The following COBL variants were observed in gnomAD, a reference collection of about 807,000 sequenced individuals.
COBL encodes the protein protein cordon-bleu.
Under a neutral mutation model 98.8 loss-of-function variants are expected in COBL, and 51 were observed. That is an observed-to-expected ratio of 0.52 (90% CI 0.41 to 0.65). COBL has a LOEUF of 0.65. Among genes scored for constraint, COBL ranks in the 30% least tolerant of loss-of-function variants. The probability of loss-of-function intolerance (pLI) is 0.00; values close to 1 mark genes in which losing one functional copy is unlikely to be tolerated. For missense variants in COBL, 1,617 were observed against 1,617.5 expected (o/e 1.00, Z 0.01); for synonymous variants, 634 against 651.7 (o/e 0.97, Z 0.41).
chr7:51,170,534 T>TATATAA (rs1554413515), intron 5 of COBL, among the ~76,000 whole-genome samples: 4 of 134,502 alleles, frequency 3.0e-5, no homozygotes, highest in African/African-American at 1.1e-4. Context: ...TATATATAAA[T>TATATAA]ATATATCACA....
intron 1 of COBL, among the ~76,000 whole-genome samples, chr7:51,284,970 CAG>C (rs1387787374): frequency 7.0e-6 from 1 of 142,146 alleles, no homozygotes; most frequent in East Asian, 2.1e-4. Flanking sequence ...TTTTTTGAGA[CAG>C]AGTCTTGGTC....
chr7:51,165,386 G>A (rs1250256542), intron 5 of COBL, among the ~76,000 whole-genome samples: 1 of 152,052 alleles, frequency 6.6e-6, no homozygotes, highest in East Asian at 1.9e-4. Context: ...ATTATGTAAT[G>A]ATAAAGGGGT....
At chr7:51,247,055 C>T (rs1056967201) in intron 1 of COBL, among the ~76,000 whole-genome samples, 4 of 152,332 alleles carry the variant, frequency 2.6e-5, no homozygotes, top group African/African-American at 7.2e-5. Context: ...ACAAAACCAG[C>T]GGATACCTGT....
At chr7:51,309,278 T>G (rs1455736911) in intron 1 of COBL, among the ~76,000 whole-genome samples, 1 of 151,994 alleles carries the variant, frequency 6.6e-6, no homozygotes, top group African/African-American at 2.4e-5. Flanking sequence ...CATCTCCCCC[T>G]CCTCAGGCCA....
intron 1 of COBL, among the ~76,000 whole-genome samples, chr7:51,220,889 C>T (rs1366656410): frequency 6.6e-6 from 1 of 152,106 alleles, no homozygotes; most frequent in East Asian, 1.9e-4. Flanking sequence ...TTGTTTTATA[C>T]AGGTACCTTA....
At chr7:51,152,056 C>T (rs1785615694) in intron 5 of COBL, among the ~76,000 whole-genome samples, 1 of 152,208 alleles carries the variant, frequency 6.6e-6, no homozygotes, top group Admixed American at 6.5e-5. Flanking sequence ...AAAAGTCACA[C>T]TTTGTGATGC....
intron 1 of COBL, among the ~76,000 whole-genome samples, chr7:51,258,142 TAAATA>T (rs1329269016): frequency 6.6e-6 from 1 of 152,226 alleles, no homozygotes; most frequent in African/African-American, 2.4e-5. Flanking sequence ...CTGACTACCC[TAAATA>T]AATTAAAAGA....
chr7:51,074,191 A>ATTTTTTTTT (rs369421469), intron 7 of COBL, among the ~76,000 whole-genome samples: 1 of 100,496 alleles, frequency 1.0e-5, no homozygotes, highest in Non-Finnish European at 1.8e-5. Context: ...CAAGGTAATG[A>ATTTTTTTTT]TTTTTTTTTT....
intron 6 of COBL, among the ~76,000 whole-genome samples, chr7:51,104,925 A>G (rs1306687414): frequency 1.3e-5 from 2 of 152,184 alleles, no homozygotes; most frequent in Non-Finnish European, 2.9e-5. Context: ...ATGCGTCTAG[A>G]AAGTCACAAT....
At chr7:51,019,237 A>G (rs541873847) in intron 12 of COBL, among the ~76,000 whole-genome samples, 2 of 151,922 alleles carry the variant, frequency 1.3e-5, no homozygotes, top group African/African-American at 2.4e-5. Context: ...CTGGAATTTG[A>G]TGAGGTCATG....
intron 6 of COBL, among the ~76,000 whole-genome samples, chr7:51,089,545 C>T (rs1794614243): frequency 6.6e-6 from 1 of 152,146 alleles, no homozygotes; most frequent in Admixed American, 6.5e-5. Flanking sequence ...ACACTGTAGT[C>T]CCCAAAGTGT....
chr7:51,102,842 T>C (rs1795924453), intron 6 of COBL, among the ~76,000 whole-genome samples: 1 of 152,228 alleles, frequency 6.6e-6, no homozygotes. Flanking sequence ...CCAGGTGGAT[T>C]TCTTCTAATA....
intron 1 of COBL, among the ~76,000 whole-genome samples, chr7:51,286,332 A>C (rs1279854460): frequency 7.9e-6 from 1 of 125,866 alleles, no homozygotes; most frequent in Non-Finnish European, 1.7e-5. Flanking sequence ...ATACTGACTG[A>C]AAAAAAAAAA....
At chr7:51,307,642 T>A (rs1180885597) in intron 1 of COBL, among the ~76,000 whole-genome samples, 5 of 152,194 alleles carry the variant, frequency 3.3e-5, no homozygotes, top group Non-Finnish European at 2.9e-5. Flanking sequence ...AAGGAAATAT[T>A]CCAAACTGAC....
At chr7:51,231,446 C>T (rs550880862) in intron 1 of COBL, among the ~76,000 whole-genome samples, 1 of 152,328 alleles carries the variant, frequency 6.6e-6, no homozygotes, top group Non-Finnish European at 1.5e-5. Context: ...CCTGGGGAGC[C>T]ATATGCAGGG....
At chr7:51,269,455 C>T (rs550725780) in intron 1 of COBL, among the ~76,000 whole-genome samples, 57 of 152,196 alleles carry the variant, frequency 3.7e-4, no homozygotes, top group Non-Finnish European at 4.6e-4. Context: ...GCAACTGCCA[C>T]GCAATGTCCC....
intron 5 of COBL, among the ~76,000 whole-genome samples, chr7:51,143,361 A>G (rs7788198): frequency 0.17 from 25,121 of 152,186 alleles, 3,027 homozygotes; most frequent in African/African-American, 0.33. Flanking sequence ...TCTCAAATGC[A>G]CATGTAAAAT....
In COBL at chr7:51,190,893, G is replaced by T. The variant is rs755973608; in HGVS notation, c.642C>A (p.Asn214Lys). ...CGTAGAGCTCCTTTATCCCGAGCTC[G>T]TTCAGGGACTTGGACAGCTCCAGCT... Reference protein sequence around the residue: ...GEELELSKSLNELGIKELYAW... With the variant: ...GEELELSKSLKELGIKELYAW... The change falls in exon 4 of 13, where the codon AAC (asparagine) becomes AAA (lysine). Residue 214 changes from asparagine to lysine, a missense_variant. Asn to Lys is a moderately conservative substitution (Grantham distance 94). Coordinates refer to ENST00000265136, the MANE Select transcript of COBL (RefSeq NM_015198.5). 6.2e-7 allele frequency: 1 copy of T among 1,613,972 alleles called. No homozygotes were observed. Among genetic ancestry groups the T allele is most frequent in the Non-Finnish European group, 8.5e-7 (1 of 1,180,024 alleles).
intron 5 of COBL, chr7:51,156,414 C>T: frequency 1.0e-6 from 1 of 985,324 alleles, no homozygotes; most frequent in Non-Finnish European, 1.2e-6. Context: ...AGTGTCTCTT[C>T]TGAAGGAGAC....
Sources: allele counts gnomAD v4.1 joint callset (sites outside exome capture counted in the v4.1 genomes callset), GRCh38; gene constraint gnomAD v4.1.1; transcripts MANE v1.5; gene names NCBI Gene and HGNC (gene_info 2026-07-23, HGNC 2026-07-21).